SCHIP1: variants seen among roughly 807,000 people sequenced by gnomAD.
SCHIP1 encodes the protein schwannomin-interacting protein 1.
SCHIP1 carries 8 observed loss-of-function variants against 29.7 expected under a neutral mutation model. The ratio of observed to expected loss-of-function variants is 0.27; its 90% CI spans 0.16 to 0.49. The LOEUF (loss-of-function observed/expected upper bound fraction) is 0.49, where lower values mean the gene tolerates loss of function less well. Ranked by LOEUF, SCHIP1 falls within the 20% of genes least tolerant of loss-of-function variation. The probability of loss-of-function intolerance (pLI) is 0.99; values close to 1 mark genes in which losing one functional copy is unlikely to be tolerated. For synonymous variants in SCHIP1, 76 were observed against 94.9 expected (o/e 0.80, Z 1.16); for missense variants, 193 against 294.6 (o/e 0.66, Z 2.52).
chr3:159,827,765 A>G, the SCHIP1 span, among the ~76,000 whole-genome samples: 344 of 151,558 alleles, frequency 2.3e-3, 3 homozygotes, highest in African/African-American at 8.1e-3. Context: ...AGATTGCGCC[A>G]CTGCAGTCCG....
chr3:159,598,388 G>A, the SCHIP1 span, among the ~76,000 whole-genome samples: 1 of 152,188 alleles, frequency 6.6e-6, no homozygotes, highest in African/African-American at 2.4e-5. Flanking sequence ...AAGATACAAT[G>A]GGTGTGCAGG....
the SCHIP1 span, among the ~76,000 whole-genome samples, chr3:159,304,403 G>A: frequency 6.6e-6 from 1 of 152,072 alleles, no homozygotes; most frequent in Non-Finnish European, 1.5e-5. Context: ...TCTATCCTGG[G>A]TATAGTCCAT....
At chr3:159,518,602 T>C in the SCHIP1 span, among the ~76,000 whole-genome samples, 5 of 152,080 alleles carry the variant, frequency 3.3e-5, no homozygotes, top group Non-Finnish European at 7.4e-5. Context: ...TGTGCTGTGT[T>C]TTTCTACTCA....
chr3:159,507,795 C>G, the SCHIP1 span, among the ~76,000 whole-genome samples: 75 of 152,294 alleles, frequency 4.9e-4, no homozygotes, highest in African/African-American at 1.8e-3. Context: ...GTTGAACCAG[C>G]CTTGCATCCC....
the SCHIP1 span, among the ~76,000 whole-genome samples, chr3:159,300,348 C>T: frequency 1.1e-4 from 16 of 151,642 alleles, no homozygotes; most frequent in South Asian, 6.2e-4. Flanking sequence ...TGCCCAGACT[C>T]ATCTGTAATT....
At chr3:159,367,188 T>C in the SCHIP1 span, among the ~76,000 whole-genome samples, 2 of 152,018 alleles carry the variant, frequency 1.3e-5, no homozygotes, top group East Asian at 1.9e-4. Flanking sequence ...AGGTCAAGAG[T>C]TCGAGACCAG....
the SCHIP1 span, among the ~76,000 whole-genome samples, chr3:159,477,321 G>A: frequency 6.6e-6 from 1 of 152,088 alleles, no homozygotes; most frequent in Non-Finnish European, 1.5e-5. Flanking sequence ...TAAGATTGCT[G>A]AATCATATGA....
chr3:159,764,607 C>T, the SCHIP1 span: 1 of 1,609,720 alleles, frequency 6.2e-7, no homozygotes, highest in Non-Finnish European at 8.5e-7. The surrounding 1 kb of genome is among the most constrained non-coding windows in gnomAD (Gnocchi z 6.1). Flanking sequence ...CCCTGGAGGA[C>T]TATGAGGAGC....
rs926479555 is a variant in SCHIP1, at chr3:159,842,123, A to G, written c.30+1909A>G. 1.3e-4 allele frequency among the ~76,000 whole-genome samples: 20 copies of G among 152,266 alleles called. No individual in the cohort carries two copies. In the South Asian group the frequency reaches 3.3e-3, roughly 25 times the overall value. On this transcript the variant is annotated intron_variant, in intron 1 of 6. Coordinates refer to ENST00000445224, the Ensembl canonical transcript of SCHIP1. ...ATCTGCAGTTGAATGGCTTTCGGAAACTTCCCCACCATTTTACAAGGACTT... is the reference window on the plus strand; with the variant it reads ...ATCTGCAGTTGAATGGCTTTCGGAAGCTTCCCCACCATTTTACAAGGACTT...
the SCHIP1 span, among the ~76,000 whole-genome samples, chr3:159,737,815 T>C: frequency 6.6e-6 from 1 of 151,974 alleles, no homozygotes; most frequent in East Asian, 1.9e-4. Flanking sequence ...GATTGAGGAG[T>C]CCCAGGTGGG....
chr3:159,501,353 T>C, the SCHIP1 span, among the ~76,000 whole-genome samples: 1 of 152,228 alleles, frequency 6.6e-6, no homozygotes, highest in African/African-American at 2.4e-5. Context: ...ACTAATTTAG[T>C]GACAGATTTA....
At chr3:159,486,137 T>C in the SCHIP1 span, among the ~76,000 whole-genome samples, 2 of 152,304 alleles carry the variant, frequency 1.3e-5, no homozygotes, top group African/African-American at 4.8e-5. Flanking sequence ...TGGTTACCTT[T>C]GTGTGTGTGG....
chr3:159,364,604 A>G, the SCHIP1 span, among the ~76,000 whole-genome samples: 1 of 152,222 alleles, frequency 6.6e-6, no homozygotes, highest in African/African-American at 2.4e-5. Flanking sequence ...ACAACTCTCA[A>G]TTACCTCAAT....
At chr3:159,356,820 G>A in the SCHIP1 span, among the ~76,000 whole-genome samples, 1 of 152,186 alleles carries the variant, frequency 6.6e-6, no homozygotes, top group Non-Finnish European at 1.5e-5. Context: ...ATAGAACAGA[G>A]CTTTCATTAT....
chr3:159,499,006 G>A, the SCHIP1 span, among the ~76,000 whole-genome samples: 1 of 152,208 alleles, frequency 6.6e-6, no homozygotes, highest in African/African-American at 2.4e-5. Flanking sequence ...CCTTGACCCT[G>A]GGCAGCTTGT....
At chr3:159,356,045 G>GTA in the SCHIP1 span, among the ~76,000 whole-genome samples, 1 of 152,002 alleles carries the variant, frequency 6.6e-6, no homozygotes, top group African/African-American at 2.4e-5. Flanking sequence ...GATCCCTGAG[G>GTA]TATCACCACA....
At chr3:159,618,930 A>G in the SCHIP1 span, among the ~76,000 whole-genome samples, 1 of 152,128 alleles carries the variant, frequency 6.6e-6, no homozygotes, top group Non-Finnish European at 1.5e-5. Flanking sequence ...AAATCACATC[A>G]TCTCACCTCA....
chr3:159,430,282 GA>G, the SCHIP1 span, among the ~76,000 whole-genome samples: 2 of 152,050 alleles, frequency 1.3e-5, no homozygotes, highest in Non-Finnish European at 2.9e-5. Context: ...TTTTCTAATG[GA>G]AAAAAAGCCT....
the SCHIP1 span, among the ~76,000 whole-genome samples, chr3:159,743,667 A>G: frequency 0.75 from 113,456 of 152,086 alleles, 42,528 homozygotes; most frequent in Middle Eastern, 0.88. Flanking sequence ...ATTAGTACTT[A>G]GAGAATGGGG....
Sources: gnomAD v4.1 joint callset for allele counts (sites outside exome capture counted in the v4.1 genomes callset) on GRCh38, gnomAD v4.1.1 for gene constraint, Gnocchi (gnomAD v3.1) non-coding constraint, MANE v1.5 for transcripts, NCBI Gene and HGNC (gene_info 2026-07-23, HGNC 2026-07-21) for gene names.